The following CACNA1E variants were observed in gnomAD, a reference collection of about 807,000 sequenced individuals.
CACNA1E encodes voltage-dependent R-type calcium channel subunit alpha-1E.
A neutral mutation model predicts 259.2 loss-of-function variants in CACNA1E; 40 were observed. That is an observed-to-expected ratio of 0.15 (90% confidence interval 0.12 to 0.20). The LOEUF (loss-of-function observed/expected upper bound fraction) is 0.20. CACNA1E is among the 10% of genes least tolerant of loss of function. CACNA1E has a pLI of 1.00. For synonymous variants in CACNA1E, 1,104 were observed against 1,138.5 expected (o/e 0.97, Z 0.61); for missense variants, 1,874 against 3,040.1 (o/e 0.62, Z 9.02).
At chr1:181,741,878 G>A (rs1656609867) in intron 25 of CACNA1E, among the ~76,000 whole-genome samples, 1 of 152,190 alleles carries the variant, frequency 6.6e-6, no homozygotes, top group Non-Finnish European at 1.5e-5. Flanking sequence ...CCTCGTTCTG[G>A]GGTCCACACT....
In CACNA1E at chr1:181,485,240, TGA is replaced by T. The variant is rs1185175970; in HGVS notation, c.266+1232_266+1233del. On this transcript the variant is annotated intron_variant, in intron 1 of 47. Transcript: ENST00000367573. The surrounding 1 kb of genome is among the most constrained non-coding windows in gnomAD (Gnocchi z 4.2). ...CCCCCACCGTCCAGGTGTGCAGCAG[TGA>T]GGCAGCTGGAGCTGCCTTGGGTCTC... Among the ~76,000 whole-genome samples the T allele has an allele frequency of 6.6e-6, 1 of 152,154 alleles. No individual in the cohort carries two copies. The highest frequency in any genetic ancestry group is 2.4e-5 in the African/African-American group (1 of 41,432).
chr1:181,483,851 C>A lies in CACNA1E; in HGVS notation c.107C>A (p.Ala36Glu). 6.2e-7 allele frequency: 1 copy of A among 1,613,668 alleles called. No individual in the cohort carries two copies. Among genetic ancestry groups the A allele is most frequent in the Non-Finnish European group, 8.5e-7 (1 of 1,179,828 alleles). Residue 36 changes from alanine (A) to glutamate (E), a missense_variant, in exon 1 of 48, where the codon GCG becomes GAG. Physicochemically the swap from Ala to Glu is moderately radical, Grantham distance 107. Transcript: ENST00000367573. ...QGTPVPASGQ[A>E]AAYKQTKAQR... The stretch of plus-strand genomic sequence containing the variant: ...ACCCCCGTGCCGGCCTCGGGGCAGG[C>A]GGCCGCCTACAAGCAGACGAAAGCA...
intron 7 of CACNA1E, among the ~76,000 whole-genome samples, chr1:181,679,482 A>G (rs1255246908): frequency 1.3e-5 from 2 of 152,222 alleles, no homozygotes; most frequent in Non-Finnish European, 2.9e-5. Context: ...GCTCCTGGGC[A>G]GCCAGGGGGC....
chr1:181,736,238 C>T (rs1193424669), intron 21 of CACNA1E, 37 bp from the exon 22 acceptor site: 2 of 1,550,960 alleles, frequency 1.3e-6, no homozygotes, highest in Admixed American at 2.0e-5. Context: ...TCACATGCCT[C>T]ATGATTTCTG....
chr1:181,577,967 T>G (rs1651137521), intron 4 of CACNA1E, 98 bp downstream of exon 4: 1 of 725,890 alleles, frequency 1.4e-6, no homozygotes, highest in East Asian at 2.9e-5. Context: ...CAAACAATAT[T>G]CCTCCTGGGA....
At chr1:181,695,490 A>C (rs1286117596) in intron 7 of CACNA1E, among the ~76,000 whole-genome samples, 1 of 152,246 alleles carries the variant, frequency 6.6e-6, no homozygotes, top group Non-Finnish European at 1.5e-5. Flanking sequence ...CTGTAAAGCT[A>C]CTGTAATCAA....
intron 3 of CACNA1E, among the ~76,000 whole-genome samples, chr1:181,536,543 A>G (rs1280643209): frequency 6.6e-6 from 1 of 152,220 alleles, no homozygotes; most frequent in African/African-American, 2.4e-5. Context: ...CTCATTGAGT[A>G]TAAGTTCTTT....
chr1:181,785,314 C>A lies in CACNA1E; in HGVS notation c.5579-4C>A. ...TCACCATCATGCCACATTTGTGTTTCTAGCCTCTGACCTGACTGTGGGCAA... is the reference window on the plus strand; with the variant it reads ...TCACCATCATGCCACATTTGTGTTTATAGCCTCTGACCTGACTGTGGGCAA... On this transcript the variant is annotated splice_region_variant and splice_polypyrimidine_tract_variant and intron_variant, in intron 41 of 47. Coordinates refer to ENST00000367573, the MANE Select transcript of CACNA1E (RefSeq NM_001205293.3). 6.3e-7 allele frequency: 1 copy of A among 1,588,354 alleles called. No homozygotes were observed. The highest frequency in any genetic ancestry group is 8.6e-7 in the Non-Finnish European group (1 of 1,156,948).
chr1:181,432,148 A>T (rs888821296), intron 2 of CACNA1E, among the ~76,000 whole-genome samples: 1 of 152,244 alleles, frequency 6.6e-6, no homozygotes, highest in Non-Finnish European at 1.5e-5. Flanking sequence ...TCAGTGCACC[A>T]AAAATATTAT....
chr1:181,578,316 C>G (rs1651178298), intron 4 of CACNA1E, among the ~76,000 whole-genome samples: 2 of 152,104 alleles, frequency 1.3e-5, no homozygotes, highest in African/African-American at 4.8e-5. Context: ...ACTTGGGAGG[C>G]TGAGGTGGGT....
At chr1:181,661,601 C>T (rs917810178) in intron 7 of CACNA1E, among the ~76,000 whole-genome samples, 2 of 152,118 alleles carry the variant, frequency 1.3e-5, no homozygotes, top group South Asian at 4.1e-4. Context: ...GAAAGCGTAA[C>T]ACACTTCATG....
At chr1:181,341,738 C>T (rs971269175) in intron 1 of CACNA1E, among the ~76,000 whole-genome samples, 1 of 152,190 alleles carries the variant, frequency 6.6e-6, no homozygotes, top group African/African-American at 2.4e-5. Context: ...CAAAAATGTT[C>T]ACTGCTCTCT....
rs769307233 is a variant in CACNA1E at position 181,794,984 on chromosome 1, C to T, written c.6148C>T (p.Arg2050Cys). ...ERSSENTYKS[R>C]RRSYHSSLRL... ...AAGCAGTGAAAATACCTACAAGTCC[C>T]GTCGCCGGAGTTACCACTCCTCCTT... The change falls in exon 46 of 48, where the codon CGT becomes TGT. Residue 2050 changes from arginine to cysteine, a missense_variant. Physicochemically the swap from Arg to Cys is radical, Grantham distance 180. Around this residue, in one of 14 missense-constraint regions of CACNA1E, gnomAD observed 542 missense variants for 587.2 expected, o/e 0.92. Coordinates refer to ENST00000367573, the MANE Select transcript of CACNA1E (RefSeq NM_001205293.3). 7.4e-6 allele frequency: 12 copies of T among 1,613,882 alleles called. No individual in the cohort carries two copies. The highest frequency in any genetic ancestry group is 1.1e-5 in the South Asian group (1 of 91,088).
At chr1:181,698,045 A>G (rs894802202) in intron 7 of CACNA1E, among the ~76,000 whole-genome samples, 1 of 152,176 alleles carries the variant, frequency 6.6e-6, no homozygotes, top group African/African-American at 2.4e-5. Context: ...TCTTCACATA[A>G]AAGGTCCTAT....
At chr1:181,339,601 T>C (rs1307582796) in intron 1 of CACNA1E, among the ~76,000 whole-genome samples, 2 of 152,108 alleles carry the variant, frequency 1.3e-5, no homozygotes, top group African/African-American at 4.8e-5. Context: ...GTAGAGTTTA[T>C]TCATCTACCG....
chr1:181,511,192 T>A (rs1666134991), intron 2 of CACNA1E, among the ~76,000 whole-genome samples, 179 bp from the exon 3 acceptor site: 1 of 152,156 alleles, frequency 6.6e-6, no homozygotes, highest in Non-Finnish European at 1.5e-5. Flanking sequence ...TGGGTCTCCC[T>A]TGCCCTGTGC....
Position 181,776,435 on chromosome 1 carries a change from T to C in CACNA1E, c.5267+207T>C, listed in dbSNP as rs1327327219. On this transcript the variant is annotated intron_variant, in intron 38 of 47. Transcript: ENST00000367573. This position sits in a 1 kb window ranked among gnomAD's most constrained non-coding sequence, Gnocchi z 4.4. Reference sequence around the variant, plus strand: ...TCCTCCTTTCCCCTCTCTTTCCTTCTGTGACAGGGTTTTCCCTTTGTGGGC... The same window carrying C: ...TCCTCCTTTCCCCTCTCTTTCCTTCCGTGACAGGGTTTTCCCTTTGTGGGC... The C allele has an allele frequency of 9.1e-6, 5 of 548,202 alleles. No individual in the cohort carries two copies. Among genetic ancestry groups the C allele is most frequent in the Non-Finnish European group, 1.6e-5 (5 of 305,996 alleles). 34.0% of individuals were successfully genotyped at this position (548,202 alleles called of 1,614,324 possible). A position where few individuals can be genotyped will look rare whatever the true frequency, so the allele number is the denominator to read the frequency against.
upstream of CACNA1E, among the ~76,000 whole-genome samples, chr1:181,479,192 T>C (rs1663065765): frequency 2.0e-5 from 3 of 152,108 alleles, no homozygotes; most frequent in South Asian, 6.2e-4. Context: ...GCTGGCTGCA[T>C]TGTGGTGAAA....
chr1:181,525,570 T>C (rs779854277), intron 3 of CACNA1E, among the ~76,000 whole-genome samples: 7 of 152,320 alleles, frequency 4.6e-5, no homozygotes, highest in Non-Finnish European at 1.0e-4. Flanking sequence ...CTGGTTAACA[T>C]TTGTCAAACT....
Sources: gnomAD v4.1 joint callset for allele counts (sites outside exome capture counted in the v4.1 genomes callset) on GRCh38, gnomAD v4.1.1 for gene constraint, gnomAD v4.1.1 regional missense constraint, Gnocchi (gnomAD v3.1) non-coding constraint, MANE v1.5 for transcripts, NCBI Gene and HGNC (gene_info 2026-07-23, HGNC 2026-07-21) for gene names.